Variants in ROBO2 observed in about 807,000 individuals in gnomAD.
ROBO2 encodes roundabout homolog 2.
ROBO2 carries 53 observed loss-of-function variants against 160.8 expected under a neutral mutation model. That is an observed-to-expected ratio of 0.33 (90% CI 0.26 to 0.41). The LOEUF (loss-of-function observed/expected upper bound fraction) is 0.41. Ranked by LOEUF, ROBO2 falls within the 10% of genes least tolerant of loss-of-function variation. The pLI, the probability that ROBO2 is intolerant of heterozygous loss-of-function variation, is 1.00. For synonymous variants in ROBO2, 664 were observed against 611.7 expected, an observed-to-expected ratio of 1.09 and a Z score of -1.26; for missense variants, 1,577 against 1,722.4, an observed-to-expected ratio of 0.92 and a Z score of 1.49.
intron 2 of ROBO2, among the ~76,000 whole-genome samples, chr3:76,930,599 G>T (rs1402699265): frequency 6.6e-6 from 1 of 152,086 alleles, no homozygotes; most frequent in Non-Finnish European, 1.5e-5. Flanking sequence ...TATTATGGAA[G>T]GTTGGTTTAC....
chr3:75,979,442 G>A (rs906197706), intron 2 of ROBO2, among the ~76,000 whole-genome samples: 1 of 151,492 alleles, frequency 6.6e-6, no homozygotes, highest in Non-Finnish European at 1.5e-5. Flanking sequence ...CAAGTGGATA[G>A]TGTTGAAACC....
intron 2 of ROBO2, among the ~76,000 whole-genome samples, chr3:76,238,479 A>G (rs1013884992): frequency 6.6e-6 from 1 of 151,974 alleles, no homozygotes; most frequent in Non-Finnish European, 1.5e-5. Context: ...GCTTCCCCCT[A>G]GACACAAGGG....
chr3:77,586,540 C>T (rs775739), intron 16 of ROBO2, among the ~76,000 whole-genome samples: 90,030 of 151,840 alleles, frequency 0.59, 26,778 homozygotes, highest in Middle Eastern at 0.71. Context: ...AGGTCACACA[C>T]ATCCCTTGTC....
intron 2 of ROBO2, among the ~76,000 whole-genome samples, chr3:76,846,000 C>A (rs1398758563): frequency 6.6e-6 from 1 of 152,064 alleles, no homozygotes; most frequent in Non-Finnish European, 1.5e-5. Context: ...CTGAACTTGG[C>A]AATGGCCCAT....
At chr3:77,417,460 T>C (rs1248590870) in intron 2 of ROBO2, among the ~76,000 whole-genome samples, 1 of 151,806 alleles carries the variant, frequency 6.6e-6, no homozygotes, top group Non-Finnish European at 1.5e-5. Context: ...CAGTGGAAAA[T>C]GATAATAGTT....
chr3:77,110,422 A>G (rs2073418946), intron 2 of ROBO2, among the ~76,000 whole-genome samples: 1 of 152,108 alleles, frequency 6.6e-6, no homozygotes, highest in Admixed American at 6.6e-5. Context: ...ACATAGTATC[A>G]TTAACATTGG....
chr3:76,313,462 G>A lies in ROBO2; in HGVS notation c.109+375860G>A, dbSNP rs569899548. 5.5e-4 allele frequency among the ~76,000 whole-genome samples: 83 copies of A among 152,166 alleles called. 1 individual carries two copies. In the South Asian group the frequency reaches 0.014, roughly 25 times the overall value. ...CATTATTTCCCTTTTCACAATGTAA[G>A]GATCTTCATTTATTATTTTGAAAGA... On this transcript the variant is annotated intron_variant, in intron 2 of 26. Coordinates refer to the ROBO2 transcript ENST00000487694.
Position 77,126,989 on chromosome 3 carries a change from C to A in ROBO2, c.388+28649C>A, listed in dbSNP as rs542037743. Among the ~76,000 whole-genome samples the A allele has an allele frequency of 5.3e-5, 8 of 151,614 alleles. No individual in the cohort carries two copies. In the South Asian group the frequency reaches 8.4e-4, roughly 16 times the overall value. Reference sequence around the variant, plus strand: ...TATTTTTAGTAGAGACGGGGTTTCACCATGTTAGCCAGGATGGTCTCCATC... The same window carrying A: ...TATTTTTAGTAGAGACGGGGTTTCAACATGTTAGCCAGGATGGTCTCCATC... On this transcript the variant is annotated intron_variant, in intron 2 of 25. Transcript: ENST00000461745.
chr3:76,060,106 ATG>A (rs75461922), intron 2 of ROBO2, among the ~76,000 whole-genome samples: 10,481 of 98,726 alleles, frequency 0.11, 940 homozygotes, highest in African/African-American at 0.35. Flanking sequence ...CAGCTAGAAA[ATG>A]TTTTTTTTTT....
At chr3:75,931,465 C>T (rs1301440150) in intron 1 of ROBO2, among the ~76,000 whole-genome samples, 5 of 152,108 alleles carry the variant, frequency 3.3e-5, no homozygotes, top group East Asian at 1.9e-4. Flanking sequence ...AGTTTTCCTT[C>T]CTCAGCCTCC....
intron 2 of ROBO2, among the ~76,000 whole-genome samples, chr3:76,109,162 A>G (rs1474343622): frequency 6.6e-6 from 1 of 152,078 alleles, no homozygotes; most frequent in African/African-American, 2.4e-5. Context: ...AATAAAGTGT[A>G]TAATATAATA....
intron 2 of ROBO2, among the ~76,000 whole-genome samples, chr3:76,489,902 T>C (rs1174323542): frequency 2.0e-5 from 3 of 152,126 alleles, no homozygotes; most frequent in Non-Finnish European, 4.4e-5. Context: ...TCAATAAACA[T>C]TTTTTTCTTT....
chr3:76,584,706 G>C (rs2108762999), intron 2 of ROBO2, among the ~76,000 whole-genome samples: 1 of 152,268 alleles, frequency 6.6e-6, no homozygotes, highest in Admixed American at 6.5e-5. Context: ...TGTTATGGCA[G>C]TCTTAAAAAC....
At chr3:76,475,115 G>GA (rs72281450) in intron 2 of ROBO2, among the ~76,000 whole-genome samples, 10,036 of 151,282 alleles carry the variant, frequency 0.066, 1,077 homozygotes, top group African/African-American at 0.23. Context: ...TAGCACGGGG[G>GA]AAAAAAAGGG....
At chr3:76,225,697 G>T (rs555146542) in intron 2 of ROBO2, among the ~76,000 whole-genome samples, 133 of 152,220 alleles carry the variant, frequency 8.7e-4, no homozygotes, top group African/African-American at 3.0e-3. Context: ...CTGGATGACA[G>T]AGGGATTCCT....
At chr3:77,038,826 G>A (rs567151445), upstream of ROBO2, among the ~76,000 whole-genome samples, 2 of 152,276 alleles carry the variant, frequency 1.3e-5, no homozygotes, top group South Asian at 2.1e-4. Flanking sequence ...GAGTTTTGTC[G>A]TCTTTGGGCT....
intron 2 of ROBO2, among the ~76,000 whole-genome samples, chr3:76,161,271 C>G (rs952812329): frequency 2.0e-5 from 3 of 151,962 alleles, no homozygotes; most frequent in Non-Finnish European, 2.9e-5. Flanking sequence ...CAAATTTGAT[C>G]CCTGTGAAGG....
At chr3:76,786,661 C>T (rs966334488) in intron 2 of ROBO2, among the ~76,000 whole-genome samples, 2 of 151,318 alleles carry the variant, frequency 1.3e-5, no homozygotes, top group African/African-American at 4.8e-5. Flanking sequence ...GGTTGGGACA[C>T]AGAGCCAAAC....
At chr3:76,913,283 C>T (rs1317463837) in intron 2 of ROBO2, among the ~76,000 whole-genome samples, 1 of 152,070 alleles carries the variant, frequency 6.6e-6, no homozygotes, top group Non-Finnish European at 1.5e-5. Context: ...GGTTATTTCA[C>T]CTGTGTTGAA....
Sources: gnomAD v4.1 joint callset for allele counts (sites outside exome capture counted in the v4.1 genomes callset) on GRCh38, gnomAD v4.1.1 for gene constraint, MANE v1.5 for transcripts, NCBI Gene and HGNC (gene_info 2026-07-23, HGNC 2026-07-21) for gene names.